Variants in SNTB1 observed in about 807,000 individuals in gnomAD.
SNTB1 encodes syntrophin beta 1.
A neutral mutation model predicts 48.9 loss-of-function variants in SNTB1; 36 were observed. The observed-to-expected ratio is 0.74, with a 90% confidence interval of 0.56 to 0.97. The LOEUF is 0.97. SNTB1 is among the 50% of genes least tolerant of loss of function. The pLI, the probability that SNTB1 is intolerant of heterozygous loss-of-function variation, is 0.00. For missense variants in SNTB1, 786 were observed against 703.4 expected (o/e 1.12, Z -1.33); for synonymous variants, 299 against 294.6 (o/e 1.01, Z -0.15).
chr8:120,660,614 C>A (rs1033406897), intron 2 of SNTB1, among the ~76,000 whole-genome samples: 49 of 152,318 alleles, frequency 3.2e-4, no homozygotes, highest in African/African-American at 1.1e-3. Flanking sequence ...TTATCATTTG[C>A]ATTCACTGGA....
intron 1 of SNTB1, among the ~76,000 whole-genome samples, chr8:120,805,370 T>A (rs1275180679): frequency 6.6e-6 from 1 of 152,174 alleles, no homozygotes; most frequent in Non-Finnish European, 1.5e-5. Flanking sequence ...TATCCTGGTG[T>A]GTTTCTTAGT....
intron 2 of SNTB1, among the ~76,000 whole-genome samples, chr8:120,656,731 C>G (rs1817509386): frequency 1.3e-5 from 2 of 152,136 alleles, no homozygotes; most frequent in Non-Finnish European, 2.9e-5. Flanking sequence ...TTATTTTAAA[C>G]TAGGGTTGCC....
chr8:120,733,324 G>A (rs1818883838), intron 1 of SNTB1, among the ~76,000 whole-genome samples: 1 of 152,224 alleles, frequency 6.6e-6, no homozygotes. Flanking sequence ...GGCACCAAAA[G>A]GTATCCTTGG....
Position 120,606,425 on chromosome 8 carries a change from GTGTGTGTGTA to G in SNTB1, c.996+26009_996+26018del, listed in dbSNP as rs1230901599. Among the ~76,000 whole-genome samples, 7 of 140,668 alleles carry G rather than the reference GTGTGTGTGTA, an allele frequency of 5.0e-5. No individual in the cohort carries two copies. The East Asian group carries it at 1.4e-3, about 28-fold the overall frequency. 92.3% of individuals were successfully genotyped at this position (140,668 alleles called of 152,430 possible). ...TGTGTATATATGTGTGTGTGTGTGT[GTGTGTGTGTA>G]TATACACACACTCCAAATCATTACA... On this transcript the variant is annotated intron_variant, in intron 3 of 6. Transcript: ENST00000517992.
chr8:120,542,078 G>C (rs938503833), intron 5 of SNTB1, 78 bp from the exon 6 acceptor site: 1 of 1,110,704 alleles, frequency 9.0e-7, no homozygotes, highest in Non-Finnish European at 1.3e-6. Context: ...CTCACTTCTT[G>C]CCTCCTCAGT....
chr8:120,715,792 C>T (rs1181243009), intron 1 of SNTB1, among the ~76,000 whole-genome samples: 4 of 152,188 alleles, frequency 2.6e-5, no homozygotes, highest in East Asian at 1.9e-4. Context: ...GCCCTTTATT[C>T]GTGATGCCGT....
chr8:120,752,167 C>A (rs1168964480), intron 1 of SNTB1, among the ~76,000 whole-genome samples: 1 of 151,944 alleles, frequency 6.6e-6, no homozygotes, highest in Non-Finnish European at 1.5e-5. Context: ...GTTCATTAGG[C>A]CAAAAGGGAA....
chr8:120,616,550 C>T (rs1345240645), intron 3 of SNTB1, among the ~76,000 whole-genome samples: 2 of 150,972 alleles, frequency 1.3e-5, no homozygotes, highest in Non-Finnish European at 2.9e-5. Context: ...CTCCTGGCCT[C>T]AAGTGACCCT....
intron 1 of SNTB1, among the ~76,000 whole-genome samples, chr8:120,721,872 T>C (rs903127475): frequency 8.5e-5 from 10 of 118,234 alleles, no homozygotes; most frequent in Non-Finnish European, 6.8e-5. Flanking sequence ...TTTCTCCCAA[T>C]GCTATCCCCT....
intron 1 of SNTB1, among the ~76,000 whole-genome samples, chr8:120,785,348 G>A (rs780058378): frequency 1.3e-5 from 2 of 152,174 alleles, no homozygotes; most frequent in Non-Finnish European, 2.9e-5. Context: ...GGCAGTTTTG[G>A]GTTCTGAGTA....
intron 1 of SNTB1, among the ~76,000 whole-genome samples, chr8:120,731,652 A>T (rs971411536): frequency 2.6e-5 from 4 of 152,176 alleles, no homozygotes; most frequent in Non-Finnish European, 4.4e-5. Context: ...GGCTCATTTT[A>T]CATGGCAGGG....
intron 1 of SNTB1, among the ~76,000 whole-genome samples, chr8:120,704,392 G>A (rs1377662489): frequency 1.3e-5 from 2 of 151,992 alleles, no homozygotes; most frequent in South Asian, 2.1e-4. Context: ...GTAAGTTGAG[G>A]CTGCAGTGAG....
intron 1 of SNTB1, chr8:120,769,743 C>A (rs940846393): frequency 1.3e-5 from 2 of 152,102 alleles, no homozygotes; most frequent in Non-Finnish European, 1.5e-5. Flanking sequence ...TGCAACCATA[C>A]GGAGGTATCC....
intron 1 of SNTB1, among the ~76,000 whole-genome samples, chr8:120,738,258 A>T (rs1158504474): frequency 6.6e-6 from 1 of 152,184 alleles, no homozygotes; most frequent in East Asian, 1.9e-4. Context: ...TTTTTGTTGT[A>T]TATAAGCTAC....
In SNTB1 at chr8:120,807,687, C is replaced by G. The variant is rs1327337905; in HGVS notation, c.571+3586G>C. 3.3e-5 allele frequency among the ~76,000 whole-genome samples: 5 copies of G among 152,300 alleles called. No homozygotes were observed. In the East Asian group the frequency reaches 7.7e-4, roughly 24 times the overall value. ...GACTCACTCCTCCTTCCCGTCCCTC[C>G]CTTTTGAGTGGCCCACACAATTGCT... On this transcript the variant is annotated intron_variant, in intron 1 of 6. Coordinates refer to ENST00000517992, the MANE Select transcript of SNTB1 (RefSeq NM_021021.4).
At chr8:120,644,495 T>A (rs988998078) in intron 2 of SNTB1, among the ~76,000 whole-genome samples, 1 of 152,130 alleles carries the variant, frequency 6.6e-6, no homozygotes, top group Admixed American at 6.5e-5. Flanking sequence ...CATGAACTCA[T>A]CATTTTTTAT....
chr8:120,730,067 T>C (rs1818826685), intron 1 of SNTB1, among the ~76,000 whole-genome samples: 1 of 152,232 alleles, frequency 6.6e-6, no homozygotes, highest in South Asian at 2.1e-4. Context: ...AATCTCATTT[T>C]TATAAATCCA....
chr8:120,660,944 A>G (rs1185766124), intron 2 of SNTB1, among the ~76,000 whole-genome samples: 2 of 152,212 alleles, frequency 1.3e-5, no homozygotes, highest in Non-Finnish European at 2.9e-5. Flanking sequence ...CCGACAGGAT[A>G]CATACAACAT....
intron 3 of SNTB1, among the ~76,000 whole-genome samples, chr8:120,592,242 C>T (rs1335723279): frequency 5.3e-5 from 8 of 152,086 alleles, no homozygotes; most frequent in Admixed American, 2.0e-4. Flanking sequence ...AGTGCAGTGT[C>T]GTGATCACGG....
Sources: gnomAD v4.1 joint callset for allele counts (sites outside exome capture counted in the v4.1 genomes callset) on GRCh38, gnomAD v4.1.1 for gene constraint, MANE v1.5 for transcripts, NCBI Gene and HGNC (gene_info 2026-07-23, HGNC 2026-07-21) for gene names.